Variants in CCDC12 observed in about 807,000 individuals in gnomAD.
CCDC12 encodes the protein coiled-coil domain containing 12.
A neutral mutation model predicts 25.7 loss-of-function variants in CCDC12; 28 were observed. The observed-to-expected ratio is 1.09, with a 90% confidence interval of 0.81 to 1.50. CCDC12 has a LOEUF of 1.50. Among genes scored for constraint, CCDC12 ranks in the 40% most tolerant of loss-of-function variants. CCDC12 has a pLI of 0.00. For missense variants in CCDC12, 198 were observed against 210.0 expected (o/e 0.94, Z 0.35); for synonymous variants, 75 against 87.7 (o/e 0.86, Z 0.81).
Position 46,922,251 on chromosome 3 carries a change from T to C in CCDC12, c.403A>G (p.Ile135Val). Reference sequence around the variant, plus strand: ...CTGCACTTACGGATCAGCTCGGCAATGGCCCTCTGAGTCCGCTTTTTTAGT... The same window carrying C: ...CTGCACTTACGGATCAGCTCGGCAACGGCCCTCTGAGTCCGCTTTTTTAGT... The part of the protein sequence containing the change: ...EKLKKRTQRA[I>V]AELIRERLKG... Residue 135 changes from isoleucine (I) to valine (V), a missense_variant, in exon 6 of 7, where the codon ATT (isoleucine) becomes GTT (valine). Physicochemically the swap from Ile to Val is conservative, Grantham distance 29. Transcript: ENST00000683445. The C allele has an allele frequency of 6.2e-7, 1 of 1,614,286 alleles. No individual in the cohort carries two copies. Among genetic ancestry groups the C allele is most frequent in the Non-Finnish European group, 8.5e-7 (1 of 1,180,046 alleles).
chr3:46,934,559 A>G (rs1274137356), intron 2 of CCDC12, among the ~76,000 whole-genome samples: 1 of 152,222 alleles, frequency 6.6e-6, no homozygotes, highest in Non-Finnish European at 1.5e-5. Context: ...AGATCAGGAC[A>G]TACAAGATAT....
intron 2 of CCDC12, among the ~76,000 whole-genome samples, chr3:46,933,549 T>C (rs1448002416): frequency 6.6e-6 from 1 of 152,252 alleles, no homozygotes; most frequent in African/African-American, 2.4e-5. Context: ...TGCCATCGCA[T>C]CTGCATCATG....
At chr3:46,940,327 C>A (rs1410515179) in intron 2 of CCDC12, among the ~76,000 whole-genome samples, 1 of 152,158 alleles carries the variant, frequency 6.6e-6, no homozygotes, top group Admixed American at 6.5e-5. Flanking sequence ...GGGAAGTGTA[C>A]CCAAGACCCT....
chr3:46,922,455 T>C (rs1386524141), intron 5 of CCDC12, 143 bp from the exon 6 acceptor site: 1 of 823,466 alleles, frequency 1.2e-6, no homozygotes, highest in Admixed American at 2.0e-5. Context: ...GGCCAGGACA[T>C]TCCCCTTCTG....
chr3:46,923,585 C>A (rs1038416018), intron 4 of CCDC12, 22 bp downstream of exon 4: 2 of 1,603,108 alleles, frequency 1.2e-6, no homozygotes, highest in African/African-American at 1.3e-5. Flanking sequence ...AGCGAGGATG[C>A]CAGGGTGGTC....
intron 2 of CCDC12, chr3:46,940,763 AAT>A (rs1422479842): frequency 1.1e-5 from 6 of 563,318 alleles, no homozygotes; most frequent in Non-Finnish European, 1.9e-5. Context: ...CTAGAAAGAA[AAT>A]GCTGGGGGCT....
intron 1 of CCDC12, among the ~76,000 whole-genome samples, chr3:46,970,541 T>C (rs1278426085): frequency 6.6e-6 from 1 of 152,208 alleles, no homozygotes; most frequent in Non-Finnish European, 1.5e-5. Flanking sequence ...ACACTGCTGC[T>C]CTAATCTCTA....
chr3:46,978,856 G>T (rs1165972359), upstream of CCDC12, among the ~76,000 whole-genome samples: 1 of 152,100 alleles, frequency 6.6e-6, no homozygotes, highest in Non-Finnish European at 1.5e-5. Flanking sequence ...GGTGACACGC[G>T]CCTGTAGTCC....
intron 1 of CCDC12, among the ~76,000 whole-genome samples, chr3:46,952,562 C>T (rs1013241567): frequency 6.6e-6 from 1 of 152,172 alleles, no homozygotes; most frequent in African/African-American, 2.4e-5. Flanking sequence ...CAACCCTGCC[C>T]ACTTCTTGGG....
At chr3:46,943,305 G>A (rs1458126986) in intron 1 of CCDC12, among the ~76,000 whole-genome samples, 2 of 152,208 alleles carry the variant, frequency 1.3e-5, no homozygotes, top group Non-Finnish European at 2.9e-5. Context: ...AAGCAAGCCA[G>A]AGCCTGCAAA....
chr3:46,927,497 A>G (rs1222635650), intron 2 of CCDC12, among the ~76,000 whole-genome samples: 1 of 152,186 alleles, frequency 6.6e-6, no homozygotes, highest in Non-Finnish European at 1.5e-5. Context: ...ACACGCACCC[A>G]TGCCTCCAGA....
intron 1 of CCDC12, among the ~76,000 whole-genome samples, chr3:46,956,559 C>T (rs564526148): frequency 1.2e-4 from 18 of 152,302 alleles, no homozygotes; most frequent in Middle Eastern, 3.4e-3. Flanking sequence ...CAGTAGCTCA[C>T]GCCTGTAATC....
At chr3:46,927,567 C>T (rs1575536813) in intron 2 of CCDC12, among the ~76,000 whole-genome samples, 1 of 152,246 alleles carries the variant, frequency 6.6e-6, no homozygotes, top group East Asian at 1.9e-4. Context: ...AAGCAAGAGG[C>T]GGGAGCAGAG....
At chr3:46,979,796 A>G (rs1280481204), upstream of CCDC12, 3 of 382,804 alleles carry the variant, frequency 7.8e-6, no homozygotes, top group Non-Finnish European at 9.2e-6. Context: ...GCCGAGGGCA[A>G]CCGGCGGGCG....
At chr3:46,954,145 G>C (rs2034215377) in intron 1 of CCDC12, among the ~76,000 whole-genome samples, 1 of 152,120 alleles carries the variant, frequency 6.6e-6, no homozygotes, top group Non-Finnish European at 1.5e-5. Flanking sequence ...GGGCCCACCT[G>C]GTCAGTTCCA....
intron 1 of CCDC12, among the ~76,000 whole-genome samples, chr3:46,950,481 CT>C (rs869066470): frequency 1.1e-4 from 13 of 122,170 alleles, no homozygotes; most frequent in African/African-American, 3.6e-4. Context: ...CCATGCACAG[CT>C]TTTTTTTTTT....
At chr3:46,977,067 G>T (rs1376180003), upstream of CCDC12, 1 of 368,984 alleles carries the variant, frequency 2.7e-6, no homozygotes, top group Non-Finnish European at 5.0e-6. Context: ...AGAGTGCGTC[G>T]ATCGCTCCGG....
Position 46,921,868 on chromosome 3 carries a change from A to C in CCDC12, c.*189T>G. On this transcript the variant is annotated 3_prime_UTR_variant, in exon 7 of 7. Transcript: ENST00000683445. ...CAGAGTTGTTGCTGGTTCTGCCTCC[A>C]TTCAGAATGGCAGGGGCCACCCAGC... 1 of 621,880 alleles carries C rather than the reference A, an allele frequency of 1.6e-6. No individual in the cohort carries two copies. The highest frequency in any genetic ancestry group is 2.0e-5 in the South Asian group (1 of 51,106). The allele number at this position is 621,880 out of a possible 1,614,324, so 38.5% of individuals were successfully genotyped here. A position where few individuals can be genotyped will look rare whatever the true frequency, so the allele number is the denominator to read the frequency against.
At chr3:46,935,734 A>G (rs535733387) in intron 2 of CCDC12, among the ~76,000 whole-genome samples, 8 of 152,314 alleles carry the variant, frequency 5.3e-5, no homozygotes, top group Non-Finnish European at 1.2e-4. Context: ...ATCTAGGGGT[A>G]GGAATGCATC....
Sources: allele counts gnomAD v4.1 joint callset (sites outside exome capture counted in the v4.1 genomes callset), GRCh38; gene constraint gnomAD v4.1.1; transcripts MANE v1.5; gene names NCBI Gene and HGNC (gene_info 2026-07-23, HGNC 2026-07-21).